Variants in FBLN7 observed in about 807,000 individuals in gnomAD.
The protein encoded by FBLN7 is fibulin-7.
A neutral mutation model predicts 44.0 loss-of-function variants in FBLN7; 31 were observed. That is an observed-to-expected ratio of 0.70 (90% CI 0.53 to 0.95). FBLN7 has a LOEUF of 0.95. Among genes scored for constraint, FBLN7 ranks in the 40% least tolerant of loss-of-function variants. The pLI is 0.00. For synonymous variants in FBLN7, 262 were observed against 253.4 expected, an observed-to-expected ratio of 1.03 and a Z score of -0.32; for missense variants, 573 against 618.5, an observed-to-expected ratio of 0.93 and a Z score of 0.78.
the FBLN7 span, chr2:112,236,537 T>G: frequency 6.2e-7 from 1 of 1,607,562 alleles, no homozygotes; most frequent in South Asian, 1.1e-5. Context: ...GGGTCAGGTA[T>G]TCCTAGAAGC....
intron 6 of FBLN7, among the ~76,000 whole-genome samples, chr2:112,183,664 C>T (rs758111595): frequency 1.2e-4 from 18 of 152,042 alleles, no homozygotes; most frequent in Admixed American, 3.3e-4. Context: ...TGGGGGGCAG[C>T]GGCGCAGATG....
chr2:112,138,909 CTGTCCCGCGCGCCTCTCTCCACGCCAG>C (rs2104526953), intron 1 of FBLN7, among the ~76,000 whole-genome samples, 179 bp downstream of exon 1: 1 of 126,926 alleles, frequency 7.9e-6, no homozygotes, highest in Non-Finnish European at 1.7e-5. Flanking sequence ...CCTCTGTCCC[CTGTCCCGCGCGCCTCTCTCCACGCCAG>C]TGTCCCTCCC....
chr2:112,167,617 C>T (rs1394848896), intron 3 of FBLN7, among the ~76,000 whole-genome samples: 1 of 152,194 alleles, frequency 6.6e-6, no homozygotes, highest in South Asian at 2.1e-4. Context: ...TCTCAAAAGA[C>T]CGATCCAGTC....
chr2:112,142,104 G>A (rs1680676767), intron 1 of FBLN7, among the ~76,000 whole-genome samples: 1 of 152,170 alleles, frequency 6.6e-6, no homozygotes, highest in Non-Finnish European at 1.5e-5. Flanking sequence ...ATGTGGCCAG[G>A]GGTCTCCCCT....
intron 1 of FBLN7, among the ~76,000 whole-genome samples, chr2:112,156,743 G>A (rs1383785136): frequency 1.3e-5 from 2 of 152,228 alleles, no homozygotes; most frequent in Non-Finnish European, 2.9e-5. Flanking sequence ...GGGTATGGTG[G>A]AGGCCCAGGA....
chr2:112,160,051 C>A (rs192887854), intron 2 of FBLN7, among the ~76,000 whole-genome samples: 4 of 151,926 alleles, frequency 2.6e-5, no homozygotes, highest in Non-Finnish European at 4.4e-5. Context: ...AGTGCAGTGG[C>A]GCGATCTCGG....
At chr2:112,184,676 G>GTATATGGTGTA (rs958080672) in intron 6 of FBLN7, among the ~76,000 whole-genome samples, 6 of 149,278 alleles carry the variant, frequency 4.0e-5, no homozygotes, top group Admixed American at 1.3e-4. Flanking sequence ...TATATATGCT[G>GTATATGGTGTA]TATATGGTGT....
At chr2:112,160,159 T>G (rs1203278312) in intron 2 of FBLN7, among the ~76,000 whole-genome samples, 5 of 151,802 alleles carry the variant, frequency 3.3e-5, no homozygotes, top group Non-Finnish European at 7.4e-5. Flanking sequence ...CCCGGCTAAT[T>G]TTTTGTATTT....
intron 3 of FBLN7, among the ~76,000 whole-genome samples, chr2:112,168,559 C>T (rs187166691): frequency 3.5e-4 from 53 of 152,320 alleles, no homozygotes; most frequent in African/African-American, 1.3e-3. Context: ...TTGTTGTCTC[C>T]AGCAAGAGCC....
chr2:112,195,266 A>C, the FBLN7 span, among the ~76,000 whole-genome samples: 4 of 152,234 alleles, frequency 2.6e-5, no homozygotes, highest in Admixed American at 1.3e-4. Context: ...TTCTTAGCTC[A>C]GGGAGCGCTT....
At chr2:112,183,024 TCA>T in intron 6 of FBLN7, 96 bp downstream of exon 6, 1 of 1,497,428 alleles carries the variant, frequency 6.7e-7, no homozygotes, top group Non-Finnish European at 8.9e-7. Flanking sequence ...GTTAGGAGAG[TCA>T]CAGTTTCAGA....
At chr2:112,226,648 A>G in the FBLN7 span, among the ~76,000 whole-genome samples, 2 of 151,312 alleles carry the variant, frequency 1.3e-5, no homozygotes, top group Non-Finnish European at 1.5e-5. Context: ...AGGAGAAATA[A>G]TAACAAATTT....
At chr2:112,145,475 CT>C (rs1680860137) in intron 1 of FBLN7, among the ~76,000 whole-genome samples, 1 of 151,820 alleles carries the variant, frequency 6.6e-6, no homozygotes. Flanking sequence ...AATACAAAGC[CT>C]TTTTTGGATA....
At chr2:112,238,280 AT>A in the FBLN7 span, 1 of 1,597,188 alleles carries the variant, frequency 6.3e-7, no homozygotes, top group Non-Finnish European at 8.5e-7. Context: ...GCTTCTCTAG[AT>A]AAACTTTAAA....
intron 1 of FBLN7, among the ~76,000 whole-genome samples, chr2:112,150,380 A>G (rs1314367933): frequency 6.6e-6 from 1 of 151,222 alleles, no homozygotes; most frequent in African/African-American, 2.5e-5. Flanking sequence ...GCTGTACCAG[A>G]AGAAAAAAAA....
At position 112,181,892 on chromosome 2, in the gene FBLN7, G is replaced by T. The variant is rs749045398; in HGVS notation, c.670+16G>T. 6.5e-7 allele frequency: 1 copy of T among 1,533,900 alleles called. No individual in the cohort carries two copies. Among genetic ancestry groups the T allele is most frequent in the Non-Finnish European group, 8.7e-7 (1 of 1,145,824 alleles). Reference sequence around the variant, plus strand: ...GTCTGCCAGGGTAGGCGCGGGCTCCGCCAGGACACTGGGGACAGCACGGGG... The same window carrying T: ...GTCTGCCAGGGTAGGCGCGGGCTCCTCCAGGACACTGGGGACAGCACGGGG... On this transcript the variant is annotated intron_variant, in intron 5 of 7. Coordinates refer to ENST00000331203, the MANE Select transcript of FBLN7 (RefSeq NM_153214.3).
chr2:112,238,905 T>C, the FBLN7 span, among the ~76,000 whole-genome samples: 7 of 152,238 alleles, frequency 4.6e-5, no homozygotes, highest in East Asian at 1.2e-3. Flanking sequence ...TGCCTTTGCA[T>C]TGACAGTACT....
chr2:112,192,295 GT>G (rs1683516388), downstream of FBLN7, among the ~76,000 whole-genome samples: 1 of 152,108 alleles, frequency 6.6e-6, no homozygotes, highest in Non-Finnish European at 1.5e-5. Flanking sequence ...CAACAGCAAT[GT>G]ATGAACATTC....
At chr2:112,216,696 A>AAAT in the FBLN7 span, among the ~76,000 whole-genome samples, 1 of 151,592 alleles carries the variant, frequency 6.6e-6, no homozygotes, top group Admixed American at 6.6e-5. Flanking sequence ...AAAAAAAAAA[A>AAAT]ATACAAATAA....
Sources: gnomAD v4.1 joint callset for allele counts (sites outside exome capture counted in the v4.1 genomes callset) on GRCh38, gnomAD v4.1.1 for gene constraint, MANE v1.5 for transcripts, NCBI Gene and HGNC (gene_info 2026-07-23, HGNC 2026-07-21) for gene names.